SBK1: variants seen among roughly 807,000 people sequenced by gnomAD.
SBK1 encodes the protein SH3 domain binding kinase 1.
A neutral mutation model predicts 24.4 loss-of-function variants in SBK1; 11 were observed. The observed-to-expected ratio is 0.45, with a 90% CI of 0.28 to 0.75. The LOEUF is 0.75. Ranked by LOEUF, SBK1 falls within the 30% of genes least tolerant of loss-of-function variation. The pLI is 0.12. For synonymous variants in SBK1, 308 were observed against 284.4 expected (o/e 1.08, Z -0.83); for missense variants, 467 against 620.5 (o/e 0.75, Z 2.63).
intron 1 of SBK1, among the ~76,000 whole-genome samples, chr16:28,296,911 A>G (rs2141578419): frequency 6.6e-6 from 1 of 152,264 alleles, no homozygotes; most frequent in East Asian, 1.9e-4. Flanking sequence ...CCCTCTGTCC[A>G]CAGAAGAACT....
intron 1 of SBK1, among the ~76,000 whole-genome samples, chr16:28,276,991 A>G (rs1407487482): frequency 3.3e-5 from 5 of 152,082 alleles, no homozygotes. Flanking sequence ...GCCTGCAGGT[A>G]CCAGGGCAAG....
At chr16:28,292,487 G>C (rs2044606779), upstream of SBK1, 3 of 965,918 alleles carry the variant, frequency 3.1e-6, no homozygotes, top group African/African-American at 3.5e-5. Flanking sequence ...GCCGCGGGCC[G>C]GGCGGGCAGG....
chr16:28,270,050 A>G (rs538449183), intron 1 of SBK1, among the ~76,000 whole-genome samples: 4 of 152,164 alleles, frequency 2.6e-5, no homozygotes, highest in African/African-American at 9.6e-5. Flanking sequence ...AAGACAATGA[A>G]CTATGTTTTT....
At chr16:28,286,946 A>C (rs2044568660) in intron 1 of SBK1, 1 of 151,446 alleles carries the variant, frequency 6.6e-6, no homozygotes, top group African/African-American at 2.4e-5. Context: ...AAATACAAAA[A>C]TTGCTGGGCG....
intron 1 of SBK1, among the ~76,000 whole-genome samples, chr16:28,277,861 C>T (rs1380536280): frequency 2.6e-5 from 4 of 152,236 alleles, no homozygotes; most frequent in Non-Finnish European, 4.4e-5. Context: ...TACGGCGAAA[C>T]GGCCACTAGA....
chr16:28,294,476 C>G (rs1200682874), intron 1 of SBK1, among the ~76,000 whole-genome samples: 1 of 152,208 alleles, frequency 6.6e-6, no homozygotes, highest in Non-Finnish European at 1.5e-5. Flanking sequence ...ACAAACCTGT[C>G]GCCAATGTCT....
intron 1 of SBK1, among the ~76,000 whole-genome samples, chr16:28,275,335 G>A (rs1243515566): frequency 1.3e-5 from 2 of 152,086 alleles, no homozygotes; most frequent in Admixed American, 1.3e-4. Context: ...AAATGGGGGT[G>A]AGGCTGCCCC....
chr16:28,276,148 G>C (rs1222501934), intron 1 of SBK1, among the ~76,000 whole-genome samples: 1 of 152,178 alleles, frequency 6.6e-6, no homozygotes, highest in Non-Finnish European at 1.5e-5. Context: ...AGCAAAGTGG[G>C]AGCCACGGTT....
intron 1 of SBK1, among the ~76,000 whole-genome samples, chr16:28,276,307 G>A (rs1263300447): frequency 6.6e-6 from 1 of 152,268 alleles, no homozygotes; most frequent in Admixed American, 6.5e-5. Context: ...ACTCACAGGC[G>A]AATTACAGTT....
intron 1 of SBK1, among the ~76,000 whole-genome samples, chr16:28,314,170 A>G (rs2044775206): frequency 7.4e-6 from 1 of 134,962 alleles, no homozygotes; most frequent in African/African-American, 2.6e-5. Context: ...TATTATTATT[A>G]TATTTAGATA....
intron 1 of SBK1, among the ~76,000 whole-genome samples, chr16:28,302,966 G>T (rs1339336460): frequency 3.3e-5 from 5 of 151,860 alleles, no homozygotes; most frequent in African/African-American, 9.7e-5. Flanking sequence ...GGGCATGGGG[G>T]GGGGTCAGGA....
At chr16:28,276,164 G>C (rs1037161045) in intron 1 of SBK1, among the ~76,000 whole-genome samples, 2 of 152,284 alleles carry the variant, frequency 1.3e-5, no homozygotes, top group African/African-American at 4.8e-5. Flanking sequence ...CGGTTTGTTT[G>C]AGGAGAGAGG....
At chr16:28,294,693 G>A (rs1290588264) in intron 1 of SBK1, among the ~76,000 whole-genome samples, 4 of 152,242 alleles carry the variant, frequency 2.6e-5, no homozygotes, top group Admixed American at 2.6e-4. Flanking sequence ...CTGAGCCTGG[G>A]TGGCTGACTC....
At chr16:28,276,864 C>T (rs1342285604) in intron 1 of SBK1, among the ~76,000 whole-genome samples, 1 of 152,044 alleles carries the variant, frequency 6.6e-6, no homozygotes, top group Non-Finnish European at 1.5e-5. Context: ...CAAGGTTTCA[C>T]CGTGTTAGCC....
chr16:28,279,164 A>G (rs2044513309), intron 1 of SBK1, among the ~76,000 whole-genome samples: 1 of 150,134 alleles, frequency 6.7e-6, no homozygotes, highest in Non-Finnish European at 1.5e-5. Flanking sequence ...CCAAGATGGC[A>G]CCATTGCACT....
Position 28,319,324 on chromosome 16 carries a change from T to A in SBK1, c.429+127T>A. On this transcript the variant is annotated intron_variant, in intron 3 of 3. Transcript: ENST00000341901. The surrounding 1 kb of genome is among the most constrained non-coding windows in gnomAD (Gnocchi z 4.0). ...GTGCCTGCTGTATGTCAGTTACCAT[T>A]TGGGGAGGTGGGGATGTGCAGTAAG... is the stretch of plus-strand genomic sequence containing the variant. 1.4e-6 allele frequency: 1 copy of A among 731,062 alleles called. No individual in the cohort carries two copies. The highest frequency in any genetic ancestry group is 2.3e-6 in the Non-Finnish European group (1 of 427,096). The allele number at this position is 731,062 out of a possible 1,614,324, so 45.3% of individuals were successfully genotyped here.
In SBK1 at chr16:28,320,779, C is replaced by T. The variant is rs1303060592; in HGVS notation, c.1133C>T (p.Pro378Leu). The change falls in exon 4 of 4, where the codon CCG (proline) becomes CTG (leucine). Residue 378 changes from proline (P) to leucine (L), a missense_variant. Transcript: ENST00000341901. This position sits in a 1 kb window ranked among gnomAD's most constrained non-coding sequence, Gnocchi z 8.5. ...PAVGSVPLPV[P>L]VPVPVPVPVP... ...GTCGGGTCGGTGCCCTTGCCCGTGC[C>T]GGTGCCGGTGCCAGTGCCCGTGCCG... 4.1e-5 allele frequency: 57 copies of T among 1,405,788 alleles called. No individual in the cohort carries two copies. Among genetic ancestry groups the T allele is most frequent in the Non-Finnish European group, 5.1e-5 (55 of 1,075,792 alleles). The allele number at this position is 1,405,788 out of a possible 1,614,324, so 87.1% of individuals were successfully genotyped here.
intron 1 of SBK1, among the ~76,000 whole-genome samples, chr16:28,272,743 C>T (rs1217911053): frequency 6.6e-6 from 1 of 151,236 alleles, no homozygotes; most frequent in East Asian, 1.9e-4. Context: ...TGCCTCAGCC[C>T]CCTGAGTAGC....
chr16:28,291,984 TGGATGGACGGAC>T (rs1597018687), upstream of SBK1: 1 of 151,990 alleles, frequency 6.6e-6, no homozygotes, highest in African/African-American at 2.4e-5. Context: ...GATGGATGGA[TGGATGGACGGAC>T]GGATGGATGG....
Sources: allele counts gnomAD v4.1 joint callset (sites outside exome capture counted in the v4.1 genomes callset), GRCh38; gene constraint gnomAD v4.1.1; non-coding constraint Gnocchi (gnomAD v3.1); transcripts MANE v1.5; gene names NCBI Gene and HGNC (gene_info 2026-07-23, HGNC 2026-07-21).